The following VDAC1 variants were observed in gnomAD, a reference collection of about 807,000 sequenced individuals.
VDAC1 encodes voltage dependent anion channel 1.
A neutral mutation model predicts 34.7 loss-of-function variants in VDAC1; 10 were observed. The ratio of observed to expected loss-of-function variants is 0.29; its 90% confidence interval spans 0.18 to 0.49. The LOEUF is 0.49. Among genes scored for constraint, VDAC1 ranks in the 20% least tolerant of loss-of-function variants. The pLI, the probability that VDAC1 is intolerant of heterozygous loss-of-function variation, is 0.99. For synonymous variants in VDAC1, 130 were observed against 136.0 expected (o/e 0.96, Z 0.30); for missense variants, 230 against 347.9 (o/e 0.66, Z 2.69).
chr5:134,039,519 G>GTT, the VDAC1 span, among the ~76,000 whole-genome samples: 12 of 16,386 alleles, frequency 7.3e-4, no homozygotes, highest in Non-Finnish European at 2.2e-3. Context: ...TAGTAGAGAC[G>GTT]GGGGTTTCAC....
At chr5:134,031,334 C>G in the VDAC1 span, among the ~76,000 whole-genome samples, 1 of 152,148 alleles carries the variant, frequency 6.6e-6, no homozygotes, top group Non-Finnish European at 1.5e-5. Flanking sequence ...AGACTAAATA[C>G]TGACCCCCAA....
At chr5:134,114,433 G>T in the VDAC1 span, among the ~76,000 whole-genome samples, 1 of 152,170 alleles carries the variant, frequency 6.6e-6, no homozygotes, top group Non-Finnish European at 1.5e-5. Context: ...GCAGAAAGCA[G>T]GGGGAATATC....
chr5:134,054,668 C>G, the VDAC1 span, among the ~76,000 whole-genome samples: 7 of 152,014 alleles, frequency 4.6e-5, no homozygotes, highest in Non-Finnish European at 1.0e-4. Flanking sequence ...ACCATGTTGG[C>G]CAAGCTGGTC....
the VDAC1 span, among the ~76,000 whole-genome samples, chr5:134,039,601 T>C: frequency 1.1e-4 from 17 of 152,070 alleles, no homozygotes; most frequent in Admixed American, 3.9e-4. Context: ...AGTGCTGGGA[T>C]TACAGGCGTG....
intron 1 of VDAC1, 35 bp downstream of exon 1, chr5:134,004,860 A>G (rs1185614829): frequency 6.6e-6 from 1 of 151,390 alleles, no homozygotes; most frequent in African/African-American, 2.4e-5. Flanking sequence ...AGGCCGGGCC[A>G]GGGTCCCCAT....
At chr5:134,047,489 T>C in the VDAC1 span, among the ~76,000 whole-genome samples, 1 of 152,146 alleles carries the variant, frequency 6.6e-6, no homozygotes, top group Non-Finnish European at 1.5e-5. Flanking sequence ...AGAGGACAAA[T>C]GCTCTTGTGT....
the VDAC1 span, among the ~76,000 whole-genome samples, chr5:134,091,798 CAG>C: frequency 2.0e-5 from 3 of 152,220 alleles, no homozygotes; most frequent in Non-Finnish European, 2.9e-5. Context: ...TAGAGGGAAA[CAG>C]AGCTTCAGAG....
At chr5:134,063,655 G>A in the VDAC1 span, among the ~76,000 whole-genome samples, 21 of 152,254 alleles carry the variant, frequency 1.4e-4, no homozygotes, top group African/African-American at 4.6e-4. Context: ...TGCTAGACAC[G>A]TGAGGGAGGG....
At chr5:134,108,619 T>C in the VDAC1 span, among the ~76,000 whole-genome samples, 1 of 152,002 alleles carries the variant, frequency 6.6e-6, no homozygotes. Flanking sequence ...AGGCAGTGGG[T>C]CATATACTGG....
the VDAC1 span, among the ~76,000 whole-genome samples, chr5:134,030,105 C>G: frequency 6.6e-6 from 1 of 152,118 alleles, no homozygotes; most frequent in African/African-American, 2.4e-5. Context: ...CTTTGGGAGG[C>G]TGAGGCTGGT....
the VDAC1 span, among the ~76,000 whole-genome samples, chr5:134,109,233 C>A: frequency 6.6e-5 from 10 of 152,130 alleles, no homozygotes; most frequent in Non-Finnish European, 1.3e-4. Context: ...CCCTGTATAG[C>A]CCTGTCTTAA....
intron 1 of VDAC1, among the ~76,000 whole-genome samples, chr5:134,001,746 A>C (rs1043971621): frequency 8.6e-5 from 13 of 150,760 alleles, no homozygotes; most frequent in Non-Finnish European, 1.6e-4. Context: ...GAGAGAGAGA[A>C]ACTGAGGCAC....
At chr5:133,973,381 T>C (rs746769329) in intron 8 of VDAC1, among the ~76,000 whole-genome samples, 2 of 152,232 alleles carry the variant, frequency 1.3e-5, no homozygotes, top group Non-Finnish European at 2.9e-5. Context: ...ACACTAGAAC[T>C]ATAATACGCC....
At chr5:134,012,767 A>C in the VDAC1 span, among the ~76,000 whole-genome samples, 44 of 152,286 alleles carry the variant, frequency 2.9e-4, no homozygotes, top group Non-Finnish European at 5.9e-4. Flanking sequence ...TAAACAAAAA[A>C]AAGAGCCAGA....
the VDAC1 span, among the ~76,000 whole-genome samples, chr5:134,063,357 T>C: frequency 1.3e-5 from 2 of 152,322 alleles, no homozygotes; most frequent in East Asian, 3.9e-4. Context: ...TTAACAGTCT[T>C]GGTTGATTGT....
At chr5:133,978,751 A>T (rs1657305530) in intron 6 of VDAC1, among the ~76,000 whole-genome samples, 1 of 152,152 alleles carries the variant, frequency 6.6e-6, no homozygotes, top group Non-Finnish European at 1.5e-5. Flanking sequence ...AGTGGCTCAC[A>T]CCTGTAATCC....
At chr5:133,993,525 C>T (rs550937881) in intron 1 of VDAC1, among the ~76,000 whole-genome samples, 68 of 152,282 alleles carry the variant, frequency 4.5e-4, no homozygotes, top group Non-Finnish European at 8.2e-4. Context: ...TTATGGAGTA[C>T]CTACTATATG....
chr5:134,089,521 A>G, the VDAC1 span, among the ~76,000 whole-genome samples: 1 of 152,204 alleles, frequency 6.6e-6, no homozygotes, highest in African/African-American at 2.4e-5. Flanking sequence ...AAGAAACATT[A>G]AGGCAGGGCT....
At chr5:134,096,275 G>A in the VDAC1 span, among the ~76,000 whole-genome samples, 8 of 152,242 alleles carry the variant, frequency 5.3e-5, no homozygotes, top group African/African-American at 9.6e-5. Context: ...GAGGAGTTGC[G>A]CTCCTCTCTC....
Sources: gnomAD v4.1 joint callset for allele counts (sites outside exome capture counted in the v4.1 genomes callset) on GRCh38, gnomAD v4.1.1 for gene constraint, MANE v1.5 for transcripts, NCBI Gene and HGNC (gene_info 2026-07-23, HGNC 2026-07-21) for gene names.